TMEM132D: variants seen among roughly 807,000 people sequenced by gnomAD.
The protein encoded by TMEM132D is transmembrane protein 132D, also known as mature OL transmembrane protein.
A neutral mutation model predicts 62.3 loss-of-function variants in TMEM132D; 21 were observed. That is an observed-to-expected ratio of 0.34 (90% CI 0.24 to 0.49). The LOEUF is 0.49. TMEM132D is among the 20% of genes least tolerant of loss of function. TMEM132D has a pLI of 0.99. For missense variants in TMEM132D, 1,346 were observed against 1,402.8 expected, an observed-to-expected ratio of 0.96 and a Z score of 0.65; for synonymous variants, 621 against 575.6, an observed-to-expected ratio of 1.08 and a Z score of -1.13.
chr12:129,649,083 C>T (rs556042103), intron 2 of TMEM132D, among the ~76,000 whole-genome samples: 8 of 152,218 alleles, frequency 5.3e-5, no homozygotes, highest in East Asian at 1.9e-4. Context: ...TGGTTTTTGA[C>T]CCCATGTTCT....
Position 129,435,399 on chromosome 12 carries a change from A to G in TMEM132D, c.1115+95660T>C, listed in dbSNP as rs552916560. Among the ~76,000 whole-genome samples, 3 of 152,262 alleles carry G rather than the reference A, an allele frequency of 2.0e-5. No individual in the cohort carries two copies. In the South Asian group the frequency reaches 6.2e-4, roughly 32 times the overall value. Reference sequence around the variant, plus strand: ...TAATTTTTTAAGGTGCCTACATACTAATGTCCATAGCGGCTATACTAATTT... The same window carrying G: ...TAATTTTTTAAGGTGCCTACATACTGATGTCCATAGCGGCTATACTAATTT... On this transcript the variant is annotated intron_variant, in intron 3 of 8. Transcript: ENST00000422113.
intron 4 of TMEM132D, among the ~76,000 whole-genome samples, chr12:129,264,877 G>A (rs1173063259): frequency 2.0e-5 from 3 of 152,122 alleles, no homozygotes; most frequent in African/African-American, 7.2e-5. Flanking sequence ...AGGACACAAA[G>A]ACATAAGAAT....
chr12:129,436,748 T>G (rs1872797374), intron 3 of TMEM132D, among the ~76,000 whole-genome samples: 2 of 152,316 alleles, frequency 1.3e-5, no homozygotes, highest in South Asian at 4.1e-4. Flanking sequence ...AAACCAAGTG[T>G]GTGCGTTTGT....
intron 3 of TMEM132D, among the ~76,000 whole-genome samples, chr12:129,407,197 G>A (rs1275345409): frequency 6.6e-6 from 1 of 152,188 alleles, no homozygotes; most frequent in Non-Finnish European, 1.5e-5. Flanking sequence ...TACAACCGCA[G>A]GCTAATTCTT....
chr12:129,498,019 G>GT (rs1345961043), intron 3 of TMEM132D, among the ~76,000 whole-genome samples: 3 of 151,898 alleles, frequency 2.0e-5, no homozygotes, highest in Non-Finnish European at 4.4e-5. Flanking sequence ...AGCTCTGGTT[G>GT]TTTTTTTCTC....
chr12:129,352,214 T>A (rs931482991), intron 3 of TMEM132D, among the ~76,000 whole-genome samples: 3 of 152,186 alleles, frequency 2.0e-5, no homozygotes, highest in Non-Finnish European at 4.4e-5. Flanking sequence ...TGTCCTGATA[T>A]CCCGATATCT....
chr12:129,530,883 C>T (rs140830583), intron 3 of TMEM132D, among the ~76,000 whole-genome samples, 176 bp downstream of exon 3: 2 of 151,890 alleles, frequency 1.3e-5, no homozygotes, highest in Admixed American at 1.3e-4. Flanking sequence ...GAATAACAGC[C>T]CACCTTTCCC....
At chr12:129,635,900 T>A (rs891148185) in intron 2 of TMEM132D, among the ~76,000 whole-genome samples, 3 of 152,178 alleles carry the variant, frequency 2.0e-5, no homozygotes, top group African/African-American at 7.2e-5. Context: ...AGGGTATACA[T>A]TGGTTCAGTG....
chr12:129,410,300 T>G (rs1871927632), intron 3 of TMEM132D, among the ~76,000 whole-genome samples: 1 of 152,188 alleles, frequency 6.6e-6, no homozygotes, highest in Non-Finnish European at 1.5e-5. Flanking sequence ...ATTCTCACAC[T>G]GATGATAAAG....
intron 5 of TMEM132D, among the ~76,000 whole-genome samples, chr12:129,175,349 C>T (rs1565987242): frequency 6.6e-6 from 1 of 152,130 alleles, no homozygotes; most frequent in Non-Finnish European, 1.5e-5. Flanking sequence ...CCCAGGATTC[C>T]ACACCAAGGG....
intron 1 of TMEM132D, among the ~76,000 whole-genome samples, chr12:129,799,650 C>T (rs1871698605): frequency 6.6e-6 from 1 of 152,090 alleles, no homozygotes; most frequent in Non-Finnish European, 1.5e-5. Flanking sequence ...CACTTGCGCA[C>T]TTCACTTATT....
intron 2 of TMEM132D, among the ~76,000 whole-genome samples, chr12:129,568,049 T>C (rs575820044): frequency 1.3e-5 from 2 of 152,324 alleles, no homozygotes; most frequent in South Asian, 4.1e-4. Context: ...TTCTCTCCCA[T>C]TCTGTTCACT....
At chr12:129,789,581 A>G (rs1286941287) in intron 1 of TMEM132D, among the ~76,000 whole-genome samples, 1 of 152,238 alleles carries the variant, frequency 6.6e-6, no homozygotes. Flanking sequence ...TTCGATTTGT[A>G]TGCTTTGAAA....
intron 1 of TMEM132D, among the ~76,000 whole-genome samples, chr12:129,753,455 T>A (rs1870065155): frequency 2.0e-5 from 3 of 152,328 alleles, no homozygotes; most frequent in South Asian, 2.1e-4. Context: ...CGAGTCTTCC[T>A]AACGTTCTCC....
At chr12:129,246,484 A>G (rs771158101) in intron 4 of TMEM132D, among the ~76,000 whole-genome samples, 12 of 152,170 alleles carry the variant, frequency 7.9e-5, no homozygotes, top group Non-Finnish European at 1.3e-4. Flanking sequence ...GGCTGGACAC[A>G]GTGGCTCACA....
intron 2 of TMEM132D, among the ~76,000 whole-genome samples, chr12:129,540,247 T>C (rs150230651): frequency 1.3e-5 from 2 of 152,092 alleles, no homozygotes; most frequent in South Asian, 2.1e-4. Context: ...AGCTAGTTCA[T>C]GGGAGATGTG....
intron 3 of TMEM132D, among the ~76,000 whole-genome samples, chr12:129,477,982 G>A (rs1261311213): frequency 6.6e-6 from 1 of 151,998 alleles, no homozygotes; most frequent in Non-Finnish European, 1.5e-5. Context: ...GGACTTACAC[G>A]AACCAAGATA....
At chr12:129,657,003 C>T (rs1396182048) in intron 2 of TMEM132D, among the ~76,000 whole-genome samples, 3 of 152,168 alleles carry the variant, frequency 2.0e-5, no homozygotes, top group African/African-American at 7.2e-5. Context: ...TAAATATCTA[C>T]TGTCTCAAAG....
chr12:129,473,707 A>C (rs1874172349), intron 3 of TMEM132D, among the ~76,000 whole-genome samples: 1 of 152,214 alleles, frequency 6.6e-6, no homozygotes, highest in African/African-American at 2.4e-5. Flanking sequence ...TAAACTATAG[A>C]ATAGTGTAAA....
Sources: allele counts gnomAD v4.1 joint callset (sites outside exome capture counted in the v4.1 genomes callset), GRCh38; gene constraint gnomAD v4.1.1; transcripts MANE v1.5; gene names NCBI Gene and HGNC (gene_info 2026-07-23, HGNC 2026-07-21).